Variants in R3HCC1 observed in about 807,000 individuals in gnomAD.
R3HCC1 encodes R3H domain and coiled-coil containing 1.
A neutral mutation model predicts 40.0 loss-of-function variants in R3HCC1; 32 were observed. The ratio of observed to expected loss-of-function variants is 0.80; its 90% confidence interval spans 0.60 to 1.07. The LOEUF (loss-of-function observed/expected upper bound fraction) is 1.07, where lower values mean the gene tolerates loss of function less well. R3HCC1 is among the 50% of genes least tolerant of loss of function. R3HCC1 has a pLI of 0.00. For synonymous variants in R3HCC1, 237 were observed against 232.8 expected, an observed-to-expected ratio of 1.02 and a Z score of -0.17; for missense variants, 586 against 563.3, an observed-to-expected ratio of 1.04 and a Z score of -0.41.
At chr8:23,293,110 C>T (rs1802904335) in intron 5 of R3HCC1, among the ~76,000 whole-genome samples, 193 bp from the exon 6 acceptor site, 1 of 152,146 alleles carries the variant, frequency 6.6e-6, no homozygotes, top group Non-Finnish European at 1.5e-5. Context: ...TGACATTTGT[C>T]TTTCTGAAGC....
chr8:23,295,775 C>T, intron 7 of R3HCC1, 192 bp from the exon 8 acceptor site: 1 of 780,802 alleles, frequency 1.3e-6, no homozygotes, highest in Admixed American at 3.0e-5. Flanking sequence ...GTCAGCATCC[C>T]CTGGGGGGCC....
At chr8:23,295,188 C>A (rs1021849909) in intron 7 of R3HCC1, among the ~76,000 whole-genome samples, 1 of 152,106 alleles carries the variant, frequency 6.6e-6, no homozygotes, top group African/African-American at 2.4e-5. Context: ...TCTGGAGGGC[C>A]CTGGAAACCG....
intron 5 of R3HCC1, among the ~76,000 whole-genome samples, chr8:23,292,719 G>A (rs756109992): frequency 6.6e-6 from 1 of 152,224 alleles, no homozygotes; most frequent in Non-Finnish European, 1.5e-5. Flanking sequence ...CAGGAGAGCC[G>A]AAGGGGTGGC....
Position 23,291,425 on chromosome 8 carries a change from T to C in R3HCC1, c.917T>C (p.Phe306Ser). Residue 306 changes from phenylalanine to serine, a missense_variant, in exon 5 of 8, where the codon TTC (phenylalanine) becomes TCC (serine). Phe to Ser is a radical substitution (Grantham distance 155). Transcript: ENST00000265806. ...AAGATCCATTTGGACACATCCTCCT[T>C]CGTGGAGGAGCTGCCTGGAGAGAAG... 1 of 1,551,720 alleles carries C rather than the reference T, an allele frequency of 6.4e-7. No homozygotes were observed. Among genetic ancestry groups the C allele is most frequent in the Non-Finnish European group, 8.7e-7 (1 of 1,146,934 alleles).
intron 3 of R3HCC1, 82 bp downstream of exon 3, chr8:23,289,235 G>T: frequency 6.9e-7 from 1 of 1,459,554 alleles, no homozygotes; most frequent in Non-Finnish European, 9.2e-7. Flanking sequence ...GAAGGGCAGG[G>T]CTGGGGGGAA....
At chr8:23,294,928 T>C in intron 7 of R3HCC1, 64 bp downstream of exon 7, 1 of 1,100,932 alleles carries the variant, frequency 9.1e-7, no homozygotes, top group Admixed American at 2.0e-5. Context: ...CGAGCATGTG[T>C]GTGTGTGCGT....
chr8:23,292,589 G>A lies in R3HCC1; in HGVS notation c.1026-714G>A, dbSNP rs1025402881. ...AGATTGTGCCACTGCACTTCAGCCT[G>A]GGTGACAGTGCGAGACTCCCTCTCA... On this transcript the variant is annotated intron_variant, in intron 5 of 7. Coordinates refer to ENST00000265806, the MANE Select transcript of R3HCC1 (RefSeq NM_001136108.3). Among the ~76,000 whole-genome samples, 3 of 152,046 alleles carry A rather than the reference G, an allele frequency of 2.0e-5. No homozygotes were observed. In the South Asian group the frequency reaches 6.2e-4, roughly 32 times the overall value.
At chr8:23,291,171 A>C in intron 4 of R3HCC1, 190 bp from the exon 5 acceptor site, 1 of 626,498 alleles carries the variant, frequency 1.6e-6, no homozygotes, top group Non-Finnish European at 2.6e-6. Flanking sequence ...ACTCCATACA[A>C]GTAAGTGCCC....
chr8:23,289,227 A>G, intron 3 of R3HCC1, 74 bp downstream of exon 3: 2 of 1,491,942 alleles, frequency 1.3e-6, no homozygotes, highest in South Asian at 2.5e-5. Context: ...AGCCTTTGGA[A>G]GGGCAGGGCT....
chr8:23,295,976 G>C lies in R3HCC1; in HGVS notation c.1202G>C (p.Arg401Pro). ...GGGGCTTTCCTTCTAGAACTCCTGCGTCTGGTGAAGGAGAGGCCACAGACA... is the reference window on the plus strand; with the variant it reads ...GGGGCTTTCCTTCTAGAACTCCTGCCTCTGGTGAAGGAGAGGCCACAGACA... Residue 401 changes from arginine (R) to proline (P), a missense_variant, in exon 8 of 8, where the codon CGT becomes CCT. Arg to Pro is a moderately radical substitution (Grantham distance 103, BLOSUM62 -2). Transcript: ENST00000265806. 1 of 1,549,790 alleles carries C rather than the reference G, an allele frequency of 6.5e-7. No homozygotes were observed. The highest frequency in any genetic ancestry group is 8.7e-7 in the Non-Finnish European group (1 of 1,146,326).
rs1376976124 is a variant in R3HCC1 at position 23,294,828 on chromosome 8, A to C, written c.1156A>C (p.Thr386Pro). The change falls in exon 7 of 8, where the codon ACC becomes CCC. Residue 386 changes from threonine to proline, a missense_variant. Physicochemically the swap from Thr to Pro is conservative, Grantham distance 38. Transcript: ENST00000265806. Reference sequence around the variant, plus strand: ...CAAGATCCGGCCCCTCACACAGGGAACCAAGCAGTCAAAGCTCAAAGCCTT... The same window carrying C: ...CAAGATCCGGCCCCTCACACAGGGACCCAAGCAGTCAAAGCTCAAAGCCTT... 1 of 1,551,386 alleles carries C rather than the reference A, an allele frequency of 6.4e-7. No homozygotes were observed. Among genetic ancestry groups the C allele is most frequent in the Non-Finnish European group, 8.7e-7 (1 of 1,146,880 alleles).
intron 7 of R3HCC1, among the ~76,000 whole-genome samples, 185 bp downstream of exon 7, chr8:23,295,049 C>A (rs960726022): frequency 6.6e-6 from 1 of 152,124 alleles, no homozygotes; most frequent in Non-Finnish European, 1.5e-5. Context: ...TGTGTTCCCC[C>A]TCCCTAGCAG....
intron 7 of R3HCC1, 97 bp downstream of exon 7, chr8:23,294,961 G>A: frequency 2.2e-6 from 2 of 922,120 alleles, no homozygotes; most frequent in Non-Finnish European, 1.7e-6. Flanking sequence ...GGTTTGGGCA[G>A]GGTCTTCCCC....
At chr8:23,295,635 T>C (rs1802993171) in intron 7 of R3HCC1, 2 of 473,404 alleles carry the variant, frequency 4.2e-6, no homozygotes, top group Admixed American at 2.9e-5. Flanking sequence ...CTGTGAGCTC[T>C]GGGTGTTCCA....
At chr8:23,289,360 C>T (rs1802809816) in intron 3 of R3HCC1, among the ~76,000 whole-genome samples, 1 of 152,214 alleles carries the variant, frequency 6.6e-6, no homozygotes, top group Non-Finnish European at 1.5e-5. Context: ...TTGGCAAAAT[C>T]AGCTATATGG....
In R3HCC1 at chr8:23,292,000, C is replaced by T. The variant is rs1015304245; in HGVS notation, c.1025+467C>T. Among the ~76,000 whole-genome samples the T allele has an allele frequency of 3.3e-5, 5 of 152,352 alleles. No homozygotes were observed. In the South Asian group the frequency reaches 1.0e-3, roughly 32 times the overall value. On this transcript the variant is annotated intron_variant, in intron 5 of 7. Transcript: ENST00000265806. ...CCAGAGGCTGTATTGAGAGACACGA[C>T]TTCCCTCCTCCTCAGCTTCCCCACA...
chr8:23,288,265 C>G lies in R3HCC1; in HGVS notation c.-19+108C>G, dbSNP rs553889186. ...GGCCCCCGTGAGCCCCGGGAAGGAG[C>G]GCAGCGCAGGGTGTGGAGCCACCCT... On this transcript the variant is annotated intron_variant, in intron 1 of 7. Coordinates refer to ENST00000265806, the MANE Select transcript of R3HCC1 (RefSeq NM_001136108.3). 353 of 1,152,336 alleles carry G rather than the reference C, an allele frequency of 3.1e-4. No individual in the cohort carries two copies. The African/African-American group carries it at 5.3e-3, about 17-fold the overall frequency. 71.4% of individuals were successfully genotyped at this position (1,152,336 alleles called of 1,614,324 possible). A position where few individuals can be genotyped will look rare whatever the true frequency, so the allele number is the denominator to read the frequency against.
chr8:23,289,740 C>A, intron 3 of R3HCC1, 126 bp from the exon 4 acceptor site: 2 of 1,326,180 alleles, frequency 1.5e-6, no homozygotes, highest in South Asian at 3.1e-5. Context: ...TTTCGAGGGT[C>A]ATTTTGGCTG....
At chr8:23,295,096 G>T (rs917838669) in intron 7 of R3HCC1, among the ~76,000 whole-genome samples, 1 of 152,130 alleles carries the variant, frequency 6.6e-6, no homozygotes, top group African/African-American at 2.4e-5. Context: ...CTCCCTTGGG[G>T]AGTGGCGTCT....
Sources: gnomAD v4.1 joint callset for allele counts (sites outside exome capture counted in the v4.1 genomes callset) on GRCh38, gnomAD v4.1.1 for gene constraint, MANE v1.5 for transcripts, NCBI Gene and HGNC (gene_info 2026-07-23, HGNC 2026-07-21) for gene names.